Variants in PDE4D observed in about 807,000 individuals in gnomAD.
PDE4D encodes phosphodiesterase 4D, also known as 3',5'-cyclic-AMP phosphodiesterase 4D.
A neutral mutation model predicts 87.4 loss-of-function variants in PDE4D; 24 were observed. The ratio of observed to expected loss-of-function variants is 0.27; its 90% CI spans 0.20 to 0.39. The LOEUF (loss-of-function observed/expected upper bound fraction) is 0.39. PDE4D is among the 10% of genes least tolerant of loss of function. The pLI, the probability that PDE4D is intolerant of heterozygous loss-of-function variation, is 1.00. For missense variants in PDE4D, 714 were observed against 1,041.0 expected (o/e 0.69, Z 4.32); for synonymous variants, 384 against 383.2 (o/e 1.00, Z -0.02).
chr5:60,270,148 GGAAA>G (rs1273614242), intron 1 of PDE4D, among the ~76,000 whole-genome samples: 8 of 152,144 alleles, frequency 5.3e-5, no homozygotes, highest in Admixed American at 5.2e-4. Flanking sequence ...ACCAAGACAG[GGAAA>G]GAGATAGGAA....
chr5:59,916,549 C>A (rs186000570), intron 3 of PDE4D, among the ~76,000 whole-genome samples: 1 of 152,242 alleles, frequency 6.6e-6, no homozygotes, highest in African/African-American at 2.4e-5. Flanking sequence ...AAAATCGATG[C>A]ATTTAATAAC....
intron 6 of PDE4D, among the ~76,000 whole-genome samples, chr5:59,029,428 A>C (rs1373193533): frequency 2.0e-5 from 3 of 151,316 alleles, no homozygotes; most frequent in African/African-American, 4.8e-5. Context: ...AAAAAAAAAA[A>C]AAAAAAAAAC....
intron 1 of PDE4D, among the ~76,000 whole-genome samples, chr5:59,826,462 C>T (rs963971906): frequency 2.0e-5 from 3 of 152,034 alleles, no homozygotes; most frequent in Non-Finnish European, 4.4e-5. Flanking sequence ...CATGTTCTTG[C>T]TAATCTGCAA....
chr5:59,230,912 A>T (rs1268861132), intron 1 of PDE4D, among the ~76,000 whole-genome samples: 1 of 152,220 alleles, frequency 6.6e-6, no homozygotes, highest in Non-Finnish European at 1.5e-5. Context: ...GGGCAAAGCA[A>T]TGATAAGAAT....
At chr5:59,726,646 G>A (rs1756634123) in intron 1 of PDE4D, among the ~76,000 whole-genome samples, 1 of 152,056 alleles carries the variant, frequency 6.6e-6, no homozygotes, top group Admixed American at 6.6e-5. Flanking sequence ...GTATTTTGTT[G>A]TAGCAGCTGG....
intron 1 of PDE4D, among the ~76,000 whole-genome samples, chr5:60,482,897 C>CT (rs1348318914): frequency 6.6e-6 from 1 of 152,126 alleles, no homozygotes; most frequent in African/African-American, 2.4e-5. Flanking sequence ...ATTGTCCTAG[C>CT]TGCAAAATAT....
intron 1 of PDE4D, among the ~76,000 whole-genome samples, chr5:59,830,203 A>G (rs1186717390): frequency 6.6e-6 from 1 of 152,032 alleles, no homozygotes; most frequent in Non-Finnish European, 1.5e-5. Flanking sequence ...GTAATTGGAC[A>G]ACAAAAGGAC....
intron 1 of PDE4D, among the ~76,000 whole-genome samples, chr5:59,298,318 G>A (rs12521263): frequency 0.23 from 34,752 of 151,692 alleles, 4,316 homozygotes; most frequent in Admixed American, 0.34. Flanking sequence ...GTTTCACCAT[G>A]TTGACCAGGC....
At chr5:59,941,687 T>A (rs1314567076) in intron 3 of PDE4D, among the ~76,000 whole-genome samples, 1 of 152,176 alleles carries the variant, frequency 6.6e-6, no homozygotes, top group Non-Finnish European at 1.5e-5. Context: ...AATGGAGAGG[T>A]TCTTCCTGCA....
chr5:59,476,367 C>T lies in PDE4D; in HGVS notation c.456-260399G>A, dbSNP rs958311657. On this transcript the variant is annotated intron_variant, in intron 1 of 14. Coordinates refer to ENST00000340635, the MANE Select transcript of PDE4D (RefSeq NM_001104631.2). ...GTTCACTTTGCAGGAATTCATCAAA[C>T]TGTAAACCTATAATTTGGTACTTTA... Among the ~76,000 whole-genome samples, 3 of 152,104 alleles carry T rather than the reference C, an allele frequency of 2.0e-5. No individual in the cohort carries two copies. The East Asian group carries it at 5.8e-4, about 29-fold the overall frequency.
At chr5:59,717,781 A>G (rs1013241891) in intron 1 of PDE4D, among the ~76,000 whole-genome samples, 1 of 152,224 alleles carries the variant, frequency 6.6e-6, no homozygotes, top group Non-Finnish European at 1.5e-5. Context: ...CCAACAATAG[A>G]GCACTTACTG....
chr5:59,403,656 C>T (rs900228853), intron 1 of PDE4D, among the ~76,000 whole-genome samples: 8 of 152,182 alleles, frequency 5.3e-5, no homozygotes, highest in Non-Finnish European at 1.2e-4. Flanking sequence ...TTTCTATGGC[C>T]GAACAGTACT....
rs1168908404 is a variant in PDE4D, at chr5:59,985,123, CGTTTTTT to C, written c.272+3358_272+3364del. ...GAATATAAGCCCGAACTTCACCTTT[CGTTTTTT>C]GTTTTTTGTTTTTTGTTTTTTATTT... On this transcript the variant is annotated intron_variant, in intron 3 of 16. Coordinates refer to the PDE4D transcript ENST00000502484. Among the ~76,000 whole-genome samples the C allele has an allele frequency of 3.4e-4, 27 of 80,330 alleles. 3 individuals are homozygous for C. The highest frequency in any genetic ancestry group is 3.2e-4 in the Non-Finnish European group (10 of 31,578). 52.7% of individuals were successfully genotyped at this position (80,330 alleles called of 152,430 possible).
At chr5:60,243,683 A>C (rs1747387958) in intron 1 of PDE4D, among the ~76,000 whole-genome samples, 1 of 152,028 alleles carries the variant, frequency 6.6e-6, no homozygotes, top group Non-Finnish European at 1.5e-5. Flanking sequence ...AATGTGATAG[A>C]TCATATCAAC....
chr5:59,027,302 G>C (rs1263783738), intron 6 of PDE4D, among the ~76,000 whole-genome samples: 6 of 152,276 alleles, frequency 3.9e-5, no homozygotes, highest in African/African-American at 1.4e-4. Context: ...ACTTATCACT[G>C]TCAATGTTGA....
At chr5:59,790,836 A>G (rs1182616241) in intron 1 of PDE4D, among the ~76,000 whole-genome samples, 1 of 152,166 alleles carries the variant, frequency 6.6e-6, no homozygotes, top group East Asian at 1.9e-4. Flanking sequence ...CTTCCTGTCT[A>G]CTACTATGTG....
At chr5:60,061,650 G>T (rs1319739625) in intron 2 of PDE4D, among the ~76,000 whole-genome samples, 1 of 152,092 alleles carries the variant, frequency 6.6e-6, no homozygotes, top group Non-Finnish European at 1.5e-5. Context: ...AAAGAATAAA[G>T]CTGGAGGCAT....
intron 2 of PDE4D, among the ~76,000 whole-genome samples, chr5:60,060,446 C>T (rs1771267809): frequency 1.3e-5 from 2 of 151,978 alleles, no homozygotes; most frequent in African/African-American, 2.4e-5. Context: ...TCTGATTTAC[C>T]CCAGTTCCAG....
chr5:59,517,370 A>G (rs1811355302), intron 1 of PDE4D, among the ~76,000 whole-genome samples: 1 of 152,232 alleles, frequency 6.6e-6, no homozygotes. Context: ...AATGCCGTCA[A>G]GAATGGCAGG....
Sources: allele counts gnomAD v4.1 joint callset (sites outside exome capture counted in the v4.1 genomes callset), GRCh38; gene constraint gnomAD v4.1.1; transcripts MANE v1.5; gene names NCBI Gene and HGNC (gene_info 2026-07-23, HGNC 2026-07-21).